Variants in C4BPA observed in about 807,000 individuals in gnomAD.
C4BPA encodes the protein C4b-binding protein alpha chain.
C4BPA carries 31 observed loss-of-function variants against 63.7 expected under a neutral mutation model. The observed-to-expected ratio is 0.49, with a 90% confidence interval of 0.37 to 0.66. The LOEUF is 0.66. C4BPA is among the 30% of genes least tolerant of loss of function. C4BPA has a pLI of 0.00. For missense variants in C4BPA, 572 were observed against 723.3 expected, an observed-to-expected ratio of 0.79 and a Z score of 2.40; for synonymous variants, 259 against 254.7, an observed-to-expected ratio of 1.02 and a Z score of -0.16.
chr1:207,128,966 C>T (rs1685105621), intron 7 of C4BPA, among the ~76,000 whole-genome samples: 1 of 152,114 alleles, frequency 6.6e-6, no homozygotes. Context: ...AGAGAATGGA[C>T]TTAGCAGGAA....
intron 8 of C4BPA, among the ~76,000 whole-genome samples, chr1:207,133,291 TTGAG>T (rs1344298874): frequency 6.6e-6 from 1 of 152,208 alleles, no homozygotes; most frequent in Non-Finnish European, 1.5e-5. Context: ...CTGGAAGTGT[TTGAG>T]TATGTCCAAA....
At chr1:207,114,073 G>A (rs369081234) in intron 2 of C4BPA, 27 bp from the exon 3 acceptor site, 603 of 1,595,410 alleles carry the variant, frequency 3.8e-4, no homozygotes, top group Middle Eastern at 3.7e-3. Flanking sequence ...TATAAGTTTT[G>A]GTGCTCCTTC....
intron 1 of C4BPA, among the ~76,000 whole-genome samples, chr1:207,105,686 C>T (rs1684546368): frequency 1.3e-5 from 2 of 151,882 alleles, no homozygotes; most frequent in African/African-American, 2.4e-5. Flanking sequence ...ACACTCAGCC[C>T]GAGACTGGAG....
chr1:207,142,083 C>T (rs537477440), intron 10 of C4BPA, among the ~76,000 whole-genome samples: 51 of 146,348 alleles, frequency 3.5e-4, no homozygotes, highest in Admixed American at 6.3e-4. Flanking sequence ...CCCCACCCCC[C>T]GACAGGCCCC....
At chr1:207,135,807 A>G (rs75240188) in intron 9 of C4BPA, among the ~76,000 whole-genome samples, 3,940 of 152,324 alleles carry the variant, frequency 0.026, 171 homozygotes, top group African/African-American at 0.089. Flanking sequence ...GTGTTTTCAC[A>G]GGTTGGCAGG....
chr1:207,121,623 T>C (rs888190041), intron 4 of C4BPA, among the ~76,000 whole-genome samples: 4 of 152,100 alleles, frequency 2.6e-5, no homozygotes, highest in African/African-American at 9.6e-5. Flanking sequence ...GACTTGGTTT[T>C]ATCATATTAT....
chr1:207,123,860 C>A (rs750807092), intron 4 of C4BPA, 62 bp from the exon 5 acceptor site: 98 of 863,930 alleles, frequency 1.1e-4, no homozygotes, highest in Non-Finnish European at 1.8e-4. Context: ...TTTGCTCAGA[C>A]CTCTTTAATT....
chr1:207,130,894 T>A (rs1685144777), intron 7 of C4BPA, among the ~76,000 whole-genome samples: 3 of 151,348 alleles, frequency 2.0e-5, no homozygotes, highest in African/African-American at 7.2e-5. Context: ...GTTGCACAAC[T>A]CTGTATATAC....
chr1:207,135,723 G>T (rs560495846), intron 9 of C4BPA, among the ~76,000 whole-genome samples: 2 of 152,322 alleles, frequency 1.3e-5, no homozygotes, highest in East Asian at 3.9e-4. Flanking sequence ...CAGCATTTTG[G>T]AAGATAGTAT....
In C4BPA at chr1:207,144,661, C is replaced by T; in HGVS notation, c.1738C>T (p.Gln580Ter). The change falls in exon 12 of 12, where the codon CAA (glutamine) becomes TAA (stop). Residue 580 changes from glutamine (Q) to a stop codon, truncating the protein, a stop_gained. Coordinates refer to ENST00000367070, the MANE Select transcript of C4BPA (RefSeq NM_000715.4). LOFTEE classifies it low-confidence loss of function (END_TRUNC). ...EVYKLSLEIE[Q>*]LELQRDSARQ... Reference sequence around the variant, plus strand: ...ATATAAGCTGTCTCTGGAAATTGAACAACTGGAACTACAGAGAGACAGCGC... The same window carrying T: ...ATATAAGCTGTCTCTGGAAATTGAATAACTGGAACTACAGAGAGACAGCGC... 1 of 1,613,558 alleles carries T rather than the reference C, an allele frequency of 6.2e-7. No homozygotes were observed.
intron 9 of C4BPA, among the ~76,000 whole-genome samples, chr1:207,135,136 A>G (rs1161916710): frequency 6.6e-6 from 1 of 152,178 alleles, no homozygotes; most frequent in East Asian, 1.9e-4. Flanking sequence ...CAGGAGTTCA[A>G]GACTAGCCTG....
At chr1:207,143,307 G>A (rs1373434841) in intron 10 of C4BPA, among the ~76,000 whole-genome samples, 1 of 151,772 alleles carries the variant, frequency 6.6e-6, no homozygotes, top group African/African-American at 2.4e-5. Context: ...GACACAGGGA[G>A]GGGAACATCA....
chr1:207,112,789 C>T (rs1684696860), intron 1 of C4BPA: 5 of 470,116 alleles, frequency 1.1e-5, no homozygotes, highest in Non-Finnish European at 1.8e-5. Context: ...CCTCCCTCCA[C>T]TTGGAATCAA....
chr1:207,115,168 T>C (rs565354229), intron 3 of C4BPA, among the ~76,000 whole-genome samples: 4 of 152,362 alleles, frequency 2.6e-5, no homozygotes, highest in Admixed American at 2.0e-4. Flanking sequence ...TATTAAGTCC[T>C]GGACCACGTG....
chr1:207,114,660 A>AT (rs1214034838), intron 3 of C4BPA: 2 of 226,736 alleles, frequency 8.8e-6, no homozygotes, highest in African/African-American at 4.8e-5. Flanking sequence ...CACCTGGTTA[A>AT]TTTTTCTGTT....
intron 9 of C4BPA, among the ~76,000 whole-genome samples, chr1:207,140,639 T>C (rs190514909): frequency 3.2e-4 from 49 of 152,340 alleles, no homozygotes; most frequent in Admixed American, 7.8e-4. Flanking sequence ...TGAGCTCTTT[T>C]CTATAGTTTT....
chr1:207,144,447 T>A (rs1685488619), intron 11 of C4BPA, 97 bp from the exon 12 acceptor site: 4 of 1,116,112 alleles, frequency 3.6e-6, no homozygotes, highest in African/African-American at 1.6e-5. Context: ...GAGGTTGGTC[T>A]TGGTTCAATC....
intron 2 of C4BPA, 44 bp downstream of exon 2, chr1:207,113,211 G>A: frequency 3.1e-6 from 5 of 1,590,624 alleles, no homozygotes; most frequent in Non-Finnish European, 4.3e-6. Flanking sequence ...AAACAATGAA[G>A]ATCATCTGTG....
Position 207,140,630 on chromosome 1 carries a change from G to A in C4BPA, c.1274-476G>A, listed in dbSNP as rs1685394602. On this transcript the variant is annotated intron_variant, in intron 9 of 11. Coordinates refer to ENST00000367070, the MANE Select transcript of C4BPA (RefSeq NM_000715.4). The stretch of plus-strand genomic sequence containing the variant: ...AAGTCACCATATTCATTTATCCAAT[G>A]AGCTCTTTTCTATAGTTTTTTAAAA... Among the ~76,000 whole-genome samples, 3 of 151,728 alleles carry A rather than the reference G, an allele frequency of 2.0e-5. No individual in the cohort carries two copies. The South Asian group carries it at 6.2e-4, about 32-fold the overall frequency.
Sources: gnomAD v4.1 joint callset for allele counts (sites outside exome capture counted in the v4.1 genomes callset) on GRCh38, gnomAD v4.1.1 for gene constraint, MANE v1.5 for transcripts, NCBI Gene and HGNC (gene_info 2026-07-23, HGNC 2026-07-21) for gene names.